EDA: variants seen among roughly 807,000 people sequenced by gnomAD.
EDA encodes ectodysplasin A, also known as ectodysplasin-A.
A neutral mutation model predicts 23.6 loss-of-function variants in EDA; 2 were observed. The observed-to-expected ratio is 0.08, with a 90% CI of 0.03 to 0.27. The LOEUF (loss-of-function observed/expected upper bound fraction) is 0.27, where lower values mean the gene tolerates loss of function less well. EDA is among the 10% of genes least tolerant of loss of function. The probability of loss-of-function intolerance (pLI) is 1.00; values close to 1 mark genes in which losing one functional copy is unlikely to be tolerated. For missense variants in EDA, 229 were observed against 324.2 expected, an observed-to-expected ratio of 0.71 and a Z score of 2.26; for synonymous variants, 131 against 132.0, an observed-to-expected ratio of 0.99 and a Z score of 0.05.
At chrX:69,851,477 G>T (rs138447444) in intron 1 of EDA, among the ~76,000 whole-genome samples, 1 of 112,250 alleles carries the variant, frequency 8.9e-6, no homozygotes, top group African/African-American at 3.2e-5. Flanking sequence ...CAATGCTTTG[G>T]ATGTATTCAC....
At chrX:70,029,378 C>T (rs1196945139) in intron 4 of EDA, 126 bp from the exon 5 acceptor site, 1 of 803,100 alleles carries the variant, frequency 1.2e-6, no homozygotes, top group African/African-American at 2.0e-5. Context: ...CAGCTCTGAG[C>T]CCTGGAGAAT....
At chrX:69,765,080 A>T (rs1052143729) in intron 1 of EDA, among the ~76,000 whole-genome samples, 1 of 112,145 alleles carries the variant, frequency 8.9e-6, no homozygotes, top group Admixed American at 9.5e-5. Context: ...CCCTAAGAAG[A>T]GGGACAATCA....
In EDA at chrX:69,947,140, G is replaced by A. The variant is rs147252733; in HGVS notation, c.397-9887G>A. Among the ~76,000 whole-genome samples the A allele has an allele frequency of 5.4e-3, 602 of 112,104 alleles. 3 individuals are homozygous for A. Among genetic ancestry groups the A allele is most frequent in the Non-Finnish European group, 8.4e-3 (446 of 53,209 alleles). ...GCACCTTTCACTTTAGAAGCATGAG[G>A]AATTACAAAATAAATAAGCACACAC... is the stretch of plus-strand genomic sequence containing the variant. On this transcript the variant is annotated intron_variant, in intron 1 of 7. Transcript: ENST00000374552.
At chrX:70,009,817 C>A (rs751730713) in intron 2 of EDA, among the ~76,000 whole-genome samples, 70 of 111,550 alleles carry the variant, frequency 6.3e-4, no homozygotes, top group Non-Finnish European at 6.0e-4. Flanking sequence ...AAACTCCTGA[C>A]CTCAGGTGAT....
intron 1 of EDA, among the ~76,000 whole-genome samples, chrX:69,790,217 A>G (rs1207341326): frequency 9.1e-6 from 1 of 109,884 alleles, no homozygotes; most frequent in Non-Finnish European, 1.9e-5. Flanking sequence ...TTTTTTTTAT[A>G]TATTATTATT....
chrX:69,756,243 A>T (rs2014113511), intron 1 of EDA, among the ~76,000 whole-genome samples: 1 of 112,407 alleles, frequency 8.9e-6, no homozygotes, highest in South Asian at 3.7e-4. Flanking sequence ...TAAATTTTTT[A>T]TTGAACACAC....
rs770185814 is a variant in EDA, at chrX:69,700,066, G to A, written c.396+83362G>A. 3.6e-5 allele frequency among the ~76,000 whole-genome samples: 4 copies of A among 110,834 alleles called. No individual in the cohort carries two copies. In the East Asian group the frequency reaches 8.6e-4, roughly 24 times the overall value. ...GCTAGGCCTAGATAGGTGACTGAGG[G>A]GGTGCATATTTGTGCTTTCTTAGGG... is the stretch of plus-strand genomic sequence containing the variant. On this transcript the variant is annotated intron_variant, in intron 1 of 7. Transcript: ENST00000374552.
chrX:69,682,318 G>A (rs1254318956), intron 1 of EDA, among the ~76,000 whole-genome samples: 2 of 112,618 alleles, frequency 1.8e-5, no homozygotes, highest in Non-Finnish European at 3.8e-5. Context: ...ACAGAGGCAG[G>A]CAGGCCTCCT....
intron 1 of EDA, among the ~76,000 whole-genome samples, chrX:69,679,546 TG>T (rs200009142): frequency 0.014 from 1,532 of 111,880 alleles, 20 homozygotes; most frequent in African/African-American, 0.045. Flanking sequence ...TGTTTAGTCT[TG>T]GGAGGGTGTA....
chrX:69,801,460 CTG>C (rs761475080), intron 1 of EDA, among the ~76,000 whole-genome samples: 125 of 111,193 alleles, frequency 1.1e-3, no homozygotes, highest in Non-Finnish European at 1.7e-3. Context: ...GAACCACTCA[CTG>C]TACCCAGCAG....
intron 1 of EDA, among the ~76,000 whole-genome samples, chrX:69,630,407 C>T (rs1569276834): frequency 8.9e-6 from 1 of 111,768 alleles, no homozygotes; most frequent in Non-Finnish European, 1.9e-5. Context: ...AAGTCTGGCT[C>T]CCACCTGCTA....
intron 1 of EDA, among the ~76,000 whole-genome samples, chrX:69,809,861 C>T (rs1415682014): frequency 9.0e-6 from 1 of 110,980 alleles, no homozygotes; most frequent in Non-Finnish European, 1.9e-5. Flanking sequence ...AATTAAAGCC[C>T]TTTTTACCTT....
At chrX:70,013,232 A>G (rs777484053) in intron 2 of EDA, among the ~76,000 whole-genome samples, 58 of 111,097 alleles carry the variant, frequency 5.2e-4, no homozygotes, top group African/African-American at 1.9e-3. Context: ...TATCGCCCTT[A>G]CTGCCCATGG....
Position 69,783,484 on chromosome X carries a change from G to A in EDA, c.396+166780G>A, listed in dbSNP as rs1417398903. ...CCCAGAGTATGATGTTCCCCTTCCT[G>A]TGTCCATGTGTTCTCATTGTTCAAT... is the stretch of plus-strand genomic sequence containing the variant. On this transcript the variant is annotated intron_variant, in intron 1 of 7. Transcript: ENST00000374552. 5.5e-5 allele frequency among the ~76,000 whole-genome samples: 5 copies of A among 90,956 alleles called. No homozygotes were observed. The East Asian group carries it at 1.4e-3, about 25-fold the overall frequency. 79.0% of individuals were successfully genotyped at this position (90,956 alleles called of 115,157 possible). A position where few individuals can be genotyped will look rare whatever the true frequency, so the allele number is the denominator to read the frequency against.
At chrX:69,727,700 A>G (rs1047832529) in intron 1 of EDA, among the ~76,000 whole-genome samples, 1 of 111,830 alleles carries the variant, frequency 8.9e-6, no homozygotes, top group Non-Finnish European at 1.9e-5. Flanking sequence ...ATCCTTGTCT[A>G]AACTTAAATC....
At chrX:69,653,865 A>T (rs1366872957) in intron 1 of EDA, among the ~76,000 whole-genome samples, 3 of 111,979 alleles carry the variant, frequency 2.7e-5, no homozygotes, top group Non-Finnish European at 3.8e-5. Flanking sequence ...AAACCTAGGC[A>T]ATACCATTCA....
intron 1 of EDA, among the ~76,000 whole-genome samples, chrX:69,878,223 A>AATAT (rs1455070628): frequency 8.9e-5 from 10 of 112,531 alleles, no homozygotes; most frequent in African/African-American, 3.2e-4. Context: ...CAGGATTAAA[A>AATAT]ATAGGCACTC....
At position 70,005,098 on chromosome X, in the gene EDA, G is replaced by GA. The variant is rs2019785671; in HGVS notation, c.503-18113dup. Reference sequence around the variant, plus strand: ...GCCACAGAGCAAGACCATGTATCAGGAAAAAAAGGTGGGGGAAAGCTGGAG... The same window carrying GA: ...GCCACAGAGCAAGACCATGTATCAGGAAAAAAAAGGTGGGGGAAAGCTGGAG... On this transcript the variant is annotated intron_variant, in intron 2 of 7. Transcript: ENST00000374552. 1.4e-4 allele frequency among the ~76,000 whole-genome samples: 16 copies of GA among 110,986 alleles called. No homozygotes were observed. In the Admixed American group the frequency reaches 1.5e-3, roughly 11 times the overall value.
chrX:69,776,589 C>T (rs983096618), intron 1 of EDA, among the ~76,000 whole-genome samples: 4 of 110,947 alleles, frequency 3.6e-5, no homozygotes, highest in Middle Eastern at 4.2e-3. Context: ...TACCCAGTCT[C>T]GGGTATGTCT....
Sources: allele counts gnomAD v4.1 joint callset (sites outside exome capture counted in the v4.1 genomes callset), GRCh38; gene constraint gnomAD v4.1.1; transcripts MANE v1.5; gene names NCBI Gene and HGNC (gene_info 2026-07-23, HGNC 2026-07-21).